Variants in MACROD2 observed in about 807,000 individuals in gnomAD.
The protein encoded by MACROD2 is ADP-ribose glycohydrolase MACROD2.
A neutral mutation model predicts 70.4 loss-of-function variants in MACROD2; 36 were observed. The observed-to-expected ratio is 0.51, with a 90% CI of 0.39 to 0.68. MACROD2 has a LOEUF of 0.68. MACROD2 is among the 30% of genes least tolerant of loss of function. MACROD2 has a pLI of 0.00. For missense variants in MACROD2, 496 were observed against 538.4 expected (o/e 0.92, Z 0.78); for synonymous variants, 172 against 178.8 (o/e 0.96, Z 0.30).
intron 5 of MACROD2, among the ~76,000 whole-genome samples, chr20:15,101,797 G>A (rs1314107470): frequency 6.6e-6 from 1 of 151,770 alleles, no homozygotes; most frequent in Non-Finnish European, 1.5e-5. Context: ...TTTTCTAAAA[G>A]GTCTATCCAA....
chr20:14,780,877 C>T (rs971286616), intron 5 of MACROD2, among the ~76,000 whole-genome samples: 1 of 152,004 alleles, frequency 6.6e-6, no homozygotes, highest in African/African-American at 2.4e-5. Context: ...GATTCAAATA[C>T]TAAAACTTTT....
intron 8 of MACROD2, among the ~76,000 whole-genome samples, chr20:15,766,424 C>G (rs2051526516): frequency 6.6e-6 from 1 of 152,158 alleles, no homozygotes; most frequent in African/African-American, 2.4e-5. Context: ...ATTTACCACT[C>G]ACAATTGTCA....
chr20:14,724,602 G>T (rs1037253056), intron 5 of MACROD2, among the ~76,000 whole-genome samples: 4 of 152,146 alleles, frequency 2.6e-5, no homozygotes, highest in African/African-American at 9.7e-5. Context: ...TTAAGCTGGG[G>T]CTTTAAGAAG....
intron 8 of MACROD2, among the ~76,000 whole-genome samples, chr20:15,579,099 G>A (rs2048488830): frequency 6.6e-6 from 1 of 152,134 alleles, no homozygotes; most frequent in Admixed American, 6.6e-5. Context: ...CCATATTTAA[G>A]TTGGAAGCAG....
intron 5 of MACROD2, among the ~76,000 whole-genome samples, chr20:14,966,846 A>G (rs1012876392): frequency 3.9e-5 from 6 of 152,108 alleles, no homozygotes; most frequent in Admixed American, 3.9e-4. Context: ...CTGTTGTGCC[A>G]ATGGGTATTT....
At chr20:15,396,089 T>A (rs561814005) in intron 6 of MACROD2, among the ~76,000 whole-genome samples, 1 of 152,322 alleles carries the variant, frequency 6.6e-6, no homozygotes, top group African/African-American at 2.4e-5. Flanking sequence ...ATATTTTAAA[T>A]TCACAGACAT....
At chr20:15,769,374 G>A (rs1168986024) in intron 8 of MACROD2, among the ~76,000 whole-genome samples, 3 of 151,984 alleles carry the variant, frequency 2.0e-5, no homozygotes, top group South Asian at 2.1e-4. Flanking sequence ...CTCGAACTCC[G>A]AACATCAGGT....
intron 6 of MACROD2, among the ~76,000 whole-genome samples, chr20:15,255,625 TA>T (rs1286393114): frequency 6.6e-6 from 1 of 152,094 alleles, no homozygotes; most frequent in African/African-American, 2.4e-5. Flanking sequence ...GTGAAAGATT[TA>T]AAGCAAGTGT....
intron 8 of MACROD2, among the ~76,000 whole-genome samples, chr20:15,599,485 A>G (rs1370731353): frequency 2.0e-5 from 3 of 152,150 alleles, no homozygotes; most frequent in African/African-American, 4.8e-5. Context: ...TCAAACACCA[A>G]TAACTGTTCT....
chr20:15,347,949 G>T (rs1010708837), intron 6 of MACROD2, among the ~76,000 whole-genome samples: 1 of 152,154 alleles, frequency 6.6e-6, no homozygotes, highest in African/African-American at 2.4e-5. Context: ...CCCTGTATGA[G>T]AATTTCTCAG....
At chr20:15,464,528 T>C (rs1229271164) in intron 7 of MACROD2, among the ~76,000 whole-genome samples, 1 of 152,208 alleles carries the variant, frequency 6.6e-6, no homozygotes, top group African/African-American at 2.4e-5. Flanking sequence ...GTTTTTGAAA[T>C]ATCTTTAGAG....
At chr20:15,063,467 T>C (rs2075549468) in intron 5 of MACROD2, among the ~76,000 whole-genome samples, 1 of 152,228 alleles carries the variant, frequency 6.6e-6, no homozygotes, top group Admixed American at 6.5e-5. Flanking sequence ...TATCATGGAA[T>C]TTAACATGAC....
chr20:14,089,081 T>G (rs963879602), intron 3 of MACROD2, among the ~76,000 whole-genome samples: 2 of 152,198 alleles, frequency 1.3e-5, no homozygotes, highest in Admixed American at 1.3e-4. Flanking sequence ...TATGATGAAT[T>G]TATATGAAGA....
intron 15 of MACROD2, among the ~76,000 whole-genome samples, chr20:16,039,367 GTC>G (rs1266078406): frequency 6.6e-6 from 1 of 151,652 alleles, no homozygotes; most frequent in African/African-American, 2.4e-5. Context: ...TTTATTAACT[GTC>G]TGTTAAATCT....
intron 8 of MACROD2, among the ~76,000 whole-genome samples, chr20:15,582,981 A>G (rs1419840872): frequency 1.3e-5 from 2 of 152,188 alleles, no homozygotes; most frequent in African/African-American, 4.8e-5. Context: ...ATTGCAAAAA[A>G]TTCATCAGCT....
At chr20:15,511,041 C>T (rs910288080) in intron 8 of MACROD2, among the ~76,000 whole-genome samples, 5 of 152,120 alleles carry the variant, frequency 3.3e-5, no homozygotes. Context: ...TTAAGGGCCT[C>T]AGGCAAGGAA....
At chr20:15,582,665 A>T (rs969214352) in intron 8 of MACROD2, among the ~76,000 whole-genome samples, 1 of 152,224 alleles carries the variant, frequency 6.6e-6, no homozygotes, top group Non-Finnish European at 1.5e-5. Context: ...TGTCACCTGA[A>T]GAATCCACTG....
intron 8 of MACROD2, among the ~76,000 whole-genome samples, chr20:15,778,544 G>A (rs959448056): frequency 6.6e-6 from 1 of 151,984 alleles, no homozygotes; most frequent in African/African-American, 2.4e-5. Context: ...AGATTTTGAG[G>A]GCCTGGAAGA....
intron 4 of MACROD2, among the ~76,000 whole-genome samples, chr20:14,599,593 G>A (rs113707769): frequency 1.3e-5 from 2 of 152,290 alleles, no homozygotes; most frequent in African/African-American, 4.8e-5. Flanking sequence ...AAACTGAGCT[G>A]CTGGACTCCC....
Sources: allele counts gnomAD v4.1 joint callset (sites outside exome capture counted in the v4.1 genomes callset), GRCh38; gene constraint gnomAD v4.1.1; transcripts MANE v1.5; gene names NCBI Gene and HGNC (gene_info 2026-07-23, HGNC 2026-07-21).